The following NRG3 variants were observed in gnomAD, a reference collection of about 807,000 sequenced individuals.
The protein encoded by NRG3 is neuregulin 3.
In NRG3, 31 loss-of-function variants were observed where a neutral mutation model predicts 66.9. That is an observed-to-expected ratio of 0.46 (90% CI 0.35 to 0.63). NRG3 has a LOEUF of 0.63. Among genes scored for constraint, NRG3 ranks in the 20% least tolerant of loss-of-function variants. The pLI, the probability that NRG3 is intolerant of heterozygous loss-of-function variation, is 0.00. For missense variants in NRG3, 910 were observed against 878.9 expected (o/e 1.04, Z -0.45); for synonymous variants, 393 against 359.4 (o/e 1.09, Z -1.06).
At chr10:82,199,883 T>TGTGC (rs2074687631) in intron 1 of NRG3, among the ~76,000 whole-genome samples, 1 of 94,152 alleles carries the variant, frequency 1.1e-5, no homozygotes, top group African/African-American at 4.0e-5. Flanking sequence ...CATGTGTGTG[T>TGTGC]GTGTGCGTGT....
intron 1 of NRG3, among the ~76,000 whole-genome samples, chr10:81,922,395 T>A (rs961425421): frequency 2.0e-5 from 3 of 152,182 alleles, no homozygotes; most frequent in Non-Finnish European, 2.9e-5. Context: ...AATTTCTCAT[T>A]CCTTACACCC....
chr10:82,608,333 G>A (rs910142120), intron 2 of NRG3, among the ~76,000 whole-genome samples: 1 of 152,014 alleles, frequency 6.6e-6, no homozygotes, highest in African/African-American at 2.4e-5. Flanking sequence ...CTTTTTTCAA[G>A]ATTTTTCTCT....
chr10:82,779,656 T>C (rs1472330272), intron 3 of NRG3, among the ~76,000 whole-genome samples: 2 of 152,166 alleles, frequency 1.3e-5, no homozygotes, highest in Non-Finnish European at 2.9e-5. Flanking sequence ...ATGATTATTA[T>C]ATATTTCATT....
chr10:82,042,440 A>G (rs1389151737), intron 1 of NRG3, among the ~76,000 whole-genome samples: 2 of 152,032 alleles, frequency 1.3e-5, no homozygotes, highest in African/African-American at 4.8e-5. Flanking sequence ...ATGATTTTTA[A>G]ATGTTATGTT....
chr10:82,248,405 C>T (rs914389231), intron 1 of NRG3, among the ~76,000 whole-genome samples: 3 of 152,142 alleles, frequency 2.0e-5, no homozygotes, highest in African/African-American at 7.2e-5. Context: ...CATCATTTCT[C>T]ACCAAGATGT....
At chr10:82,150,085 C>T (rs2070593592) in intron 1 of NRG3, among the ~76,000 whole-genome samples, 1 of 152,066 alleles carries the variant, frequency 6.6e-6, no homozygotes, top group East Asian at 1.9e-4. Context: ...TATTCCAGCC[C>T]TGGTACCCCT....
At chr10:82,469,241 C>T (rs1001386186) in intron 2 of NRG3, among the ~76,000 whole-genome samples, 1 of 152,260 alleles carries the variant, frequency 6.6e-6, no homozygotes, top group Middle Eastern at 3.4e-3. Context: ...TTCAATTTCC[C>T]CCTGCTTCTT....
At chr10:82,186,825 G>C (rs1318512033) in intron 1 of NRG3, among the ~76,000 whole-genome samples, 1 of 152,178 alleles carries the variant, frequency 6.6e-6, no homozygotes, top group East Asian at 1.9e-4. Context: ...AGATTCTGAG[G>C]CTTTGAGATA....
At chr10:82,490,466 A>G (rs1272900136) in intron 2 of NRG3, among the ~76,000 whole-genome samples, 1 of 151,938 alleles carries the variant, frequency 6.6e-6, no homozygotes, top group Non-Finnish European at 1.5e-5. Context: ...CTTGCTGAAC[A>G]CCCTTTCTTA....
At chr10:82,362,228 A>G (rs7096352) in intron 2 of NRG3, among the ~76,000 whole-genome samples, 5,550 of 149,876 alleles carry the variant, frequency 0.037, 175 homozygotes, top group African/African-American at 0.087. Flanking sequence ...TAGAAATTAT[A>G]AAGCAATTTA....
intron 1 of NRG3, among the ~76,000 whole-genome samples, chr10:82,061,497 A>C (rs531176345): frequency 6.6e-6 from 1 of 152,332 alleles, no homozygotes; most frequent in East Asian, 1.9e-4. Flanking sequence ...AGGTTTTTAC[A>C]GAGTTTCCAC....
At chr10:82,579,168 A>T (rs573586152) in intron 2 of NRG3, among the ~76,000 whole-genome samples, 62 of 152,036 alleles carry the variant, frequency 4.1e-4, no homozygotes, top group African/African-American at 1.4e-3. Flanking sequence ...CATCCTTAAA[A>T]AAAACAGCCA....
At chr10:82,568,626 C>G (rs652693) in intron 2 of NRG3, among the ~76,000 whole-genome samples, 1 of 151,582 alleles carries the variant, frequency 6.6e-6, no homozygotes, top group African/African-American at 2.4e-5. Context: ...TTAGGCATAT[C>G]GAAGAGCCAG....
intron 1 of NRG3, among the ~76,000 whole-genome samples, chr10:82,001,934 A>T (rs1312142088): frequency 1.3e-5 from 2 of 152,170 alleles, no homozygotes; most frequent in African/African-American, 4.8e-5. Context: ...GATACAACTA[A>T]CAACTTCAAC....
intron 1 of NRG3, among the ~76,000 whole-genome samples, chr10:81,941,213 A>C (rs1848377557): frequency 6.6e-6 from 1 of 152,152 alleles, no homozygotes. Flanking sequence ...TGACGACCAG[A>C]GAATATGAAG....
chr10:82,107,511 T>TA lies in NRG3; in HGVS notation c.823+231356dup, dbSNP rs995380680. ...TCTCCACAGACTATTTTACTTATTTTAAAAAAAATTTTACAGGTGGAAAAA... is the reference window on the plus strand; with the variant it reads ...TCTCCACAGACTATTTTACTTATTTTAAAAAAAAATTTTACAGGTGGAAAAA... On this transcript the variant is annotated intron_variant, in intron 1 of 8. Coordinates refer to ENST00000372141, the MANE Select transcript of NRG3 (RefSeq NM_001010848.4). Among the ~76,000 whole-genome samples the TA allele has an allele frequency of 6.4e-4, 97 of 152,212 alleles. 1 individual carries two copies. Among genetic ancestry groups the TA allele is most frequent in the African/African-American group, 2.2e-3 (90 of 41,544 alleles).
chr10:82,577,779 A>G (rs1258325548), intron 2 of NRG3, among the ~76,000 whole-genome samples: 1 of 151,840 alleles, frequency 6.6e-6, no homozygotes, highest in East Asian at 1.9e-4. Flanking sequence ...ACAGTGAAAG[A>G]TAAATATACA....
chr10:82,806,926 G>A (rs2061312755), intron 3 of NRG3, among the ~76,000 whole-genome samples: 1 of 152,062 alleles, frequency 6.6e-6, no homozygotes, highest in East Asian at 1.9e-4. Flanking sequence ...TATTTTTGAA[G>A]CACATCTACT....
Position 82,595,517 on chromosome 10 carries a change from G to A in NRG3, c.954-143060G>A, listed in dbSNP as rs147376692. The stretch of plus-strand genomic sequence containing the variant: ...GAAATAGGTTGGGGCCAGGCGCGAT[G>A]GCCCACACCTGTAATCCCAGCACTT... On this transcript the variant is annotated intron_variant, in intron 2 of 8. Coordinates refer to ENST00000372141, the MANE Select transcript of NRG3 (RefSeq NM_001010848.4). 1.1e-4 allele frequency among the ~76,000 whole-genome samples: 17 copies of A among 152,254 alleles called. No homozygotes were observed. In the East Asian group the frequency reaches 3.1e-3, roughly 28 times the overall value.
Sources: gnomAD v4.1 joint callset for allele counts (sites outside exome capture counted in the v4.1 genomes callset) on GRCh38, gnomAD v4.1.1 for gene constraint, MANE v1.5 for transcripts, NCBI Gene and HGNC (gene_info 2026-07-23, HGNC 2026-07-21) for gene names.